Variants in INVS observed in about 807,000 individuals in gnomAD.
INVS encodes the protein inversion of embryo turning homolog.
INVS carries 86 observed loss-of-function variants against 108.8 expected under a neutral mutation model. The ratio of observed to expected loss-of-function variants is 0.79; its 90% CI spans 0.66 to 0.95. The LOEUF (loss-of-function observed/expected upper bound fraction) is 0.95, where lower values mean the gene tolerates loss of function less well. Among genes scored for constraint, INVS ranks in the 40% least tolerant of loss-of-function variants. INVS has a pLI of 0.00. For missense variants in INVS, 1,169 were observed against 1,297.4 expected (o/e 0.90, Z 1.52); for synonymous variants, 455 against 473.5 (o/e 0.96, Z 0.51).
At chr9:100,133,800 C>CACACACACACACACAG (rs1828130348) in intron 3 of INVS, among the ~76,000 whole-genome samples, 1 of 148,330 alleles carries the variant, frequency 6.7e-6, no homozygotes, top group Non-Finnish European at 1.5e-5. Flanking sequence ...CACACACACA[C>CACACACACACACACAG]ACACATACAC....
At chr9:100,259,030 G>T (rs1455266248) in intron 10 of INVS, among the ~76,000 whole-genome samples, 2 of 152,214 alleles carry the variant, frequency 1.3e-5, no homozygotes, top group African/African-American at 4.8e-5. Context: ...GTCTACAAAG[G>T]CAGGTAGGCC....
intron 10 of INVS, among the ~76,000 whole-genome samples, chr9:100,257,355 G>A (rs191690245): frequency 6.6e-6 from 1 of 151,130 alleles, no homozygotes; most frequent in Non-Finnish European, 1.5e-5. Flanking sequence ...GGTCTTGACT[G>A]TATCCAATTT....
chr9:100,206,785 T>C (rs1201552588), intron 3 of INVS, among the ~76,000 whole-genome samples: 3 of 152,200 alleles, frequency 2.0e-5, no homozygotes, highest in Non-Finnish European at 4.4e-5. Flanking sequence ...CATTTATGTC[T>C]TTTTAGTCTT....
At position 100,100,938 on chromosome 9, in the gene INVS, A is replaced by T. The variant is rs530004631; in HGVS notation, c.-25+1522A>T. 8.7e-3 allele frequency among the ~76,000 whole-genome samples: 206 copies of T among 23,726 alleles called. 14 individuals are homozygous for T. The highest frequency in any genetic ancestry group is 0.033 in the African/African-American group (137 of 4,092). The allele number at this position is 23,726 out of a possible 152,430, so 15.6% of individuals were successfully genotyped here. On this transcript the variant is annotated intron_variant, in intron 1 of 16. Transcript: ENST00000262457. ...TATATGTATATATATAATATATATA[A>T]TATATATACATATATATTATATATA...
chr9:100,277,276 A>G (rs1311128355), intron 12 of INVS, among the ~76,000 whole-genome samples: 1 of 152,126 alleles, frequency 6.6e-6, no homozygotes, highest in Non-Finnish European at 1.5e-5. Flanking sequence ...TGCTCATAAC[A>G]CTTCCATTGC....
chr9:100,213,593 T>G (rs929872936), intron 3 of INVS, among the ~76,000 whole-genome samples: 2 of 152,234 alleles, frequency 1.3e-5, no homozygotes, highest in Middle Eastern at 3.4e-3. Context: ...AAGAAGTTAG[T>G]CTGTTACTGT....
chr9:100,100,837 T>TATAATATATATA (rs1264794485), intron 1 of INVS, among the ~76,000 whole-genome samples: 1,596 of 9,074 alleles, frequency 0.18, 507 homozygotes, highest in East Asian at 0.65. Context: ...GTATATATAA[T>TATAATATATATA]ATATATATAA....
chr9:100,259,704 C>T (rs1418380827), intron 10 of INVS, among the ~76,000 whole-genome samples: 1 of 151,768 alleles, frequency 6.6e-6, no homozygotes, highest in Non-Finnish European at 1.5e-5. Flanking sequence ...CATCCACCAC[C>T]ATGCCTGGCT....
rs188124191 is a variant in INVS, at chr9:100,161,436, T to G, written c.273+34887T>G. Among the ~76,000 whole-genome samples the G allele has an allele frequency of 6.3e-4, 93 of 147,596 alleles. No individual in the cohort carries two copies. The East Asian group carries it at 0.018, about 28-fold the overall frequency. On this transcript the variant is annotated intron_variant, in intron 3 of 16. Coordinates refer to ENST00000262457, the MANE Select transcript of INVS (RefSeq NM_014425.5). ...GTGCTCCAAAAGAATTTGAATATGA[T>G]CTACTTTAATTTTGTCAGTCTGCCA...
At position 100,106,603 on chromosome 9, in the gene INVS, A is replaced by G. The variant is rs146628713; in HGVS notation, c.106+1976A>G. Among the ~76,000 whole-genome samples the G allele has an allele frequency of 2.8e-3, 433 of 152,334 alleles. 3 individuals carry two copies. Among genetic ancestry groups the G allele is most frequent in the African/African-American group, 9.8e-3 (408 of 41,580 alleles). On this transcript the variant is annotated intron_variant, in intron 2 of 16. Coordinates refer to ENST00000262457, the MANE Select transcript of INVS (RefSeq NM_014425.5). Reference sequence around the variant, plus strand: ...GACCAAACCTATCTTCCTGGCAACTACTAAGCAGTTGAACCCAGCTGTGTA... The same window carrying G: ...GACCAAACCTATCTTCCTGGCAACTGCTAAGCAGTTGAACCCAGCTGTGTA...
In INVS at chr9:100,293,045, T is replaced by C. The variant is rs1322951938; in HGVS notation, c.2786+2T>C. On this transcript the variant is annotated splice_donor_variant, in intron 14 of 16. Transcript: ENST00000262457. LOFTEE classifies it high-confidence loss of function. The stretch of plus-strand genomic sequence containing the variant: ...AGTCATCCAGCGCGCCTGGCGAAGG[T>C]AGGAAAATGGGGTGCTGCCGCATCT... 6 of 1,612,180 alleles carry C rather than the reference T, an allele frequency of 3.7e-6. No individual in the cohort carries two copies. The highest frequency in any genetic ancestry group is 1.3e-5 in the African/African-American group (1 of 74,860).
Position 100,241,300 on chromosome 9 carries a change from C to G in INVS, c.796+1060C>G, listed in dbSNP as rs1161690153. Among the ~76,000 whole-genome samples, 4 of 151,978 alleles carry G rather than the reference C, an allele frequency of 2.6e-5. No homozygotes were observed. The East Asian group carries it at 7.7e-4, about 29-fold the overall frequency. On this transcript the variant is annotated intron_variant, in intron 6 of 16. Transcript: ENST00000262457. Reference sequence around the variant, plus strand: ...CATGTAACTAAATTGACTTTTTGTTCTATAAGTTTTGCTTTCTTTCTGCCT... The same window carrying G: ...CATGTAACTAAATTGACTTTTTGTTGTATAAGTTTTGCTTTCTTTCTGCCT...
rs1339683817 is a variant in INVS, at chr9:100,162,378, T to C, written c.273+35829T>C. Among the ~76,000 whole-genome samples the C allele has an allele frequency of 4.6e-5, 7 of 152,212 alleles. No homozygotes were observed. The South Asian group carries it at 6.2e-4, about 14-fold the overall frequency. ...AGGGTTGATTAACTCAGTGGCTCAATGATATTAGCAAGGACCTGGGTTTTT... is the reference window on the plus strand; with the variant it reads ...AGGGTTGATTAACTCAGTGGCTCAACGATATTAGCAAGGACCTGGGTTTTT... On this transcript the variant is annotated intron_variant, in intron 3 of 16. Transcript: ENST00000262457.
At chr9:100,103,102 C>G (rs1020540126) in intron 1 of INVS, among the ~76,000 whole-genome samples, 1 of 152,184 alleles carries the variant, frequency 6.6e-6, no homozygotes, top group African/African-American at 2.4e-5. Flanking sequence ...ATCTGCCCGC[C>G]TTGCCCTCCC....
At chr9:100,168,848 G>A (rs1462543420) in intron 3 of INVS, among the ~76,000 whole-genome samples, 1 of 152,076 alleles carries the variant, frequency 6.6e-6, no homozygotes, top group Non-Finnish European at 1.5e-5. Flanking sequence ...CATTTTTAAG[G>A]TTGGATGTGT....
chr9:100,274,164 A>C (rs56937415), intron 12 of INVS, among the ~76,000 whole-genome samples: 7 of 151,882 alleles, frequency 4.6e-5, no homozygotes, highest in Non-Finnish European at 7.4e-5. Flanking sequence ...TCAAGACCAG[A>C]CTGGCCAAAA....
chr9:100,100,121 T>G (rs1317948722), intron 1 of INVS, among the ~76,000 whole-genome samples: 1 of 152,158 alleles, frequency 6.6e-6, no homozygotes, highest in Non-Finnish European at 1.5e-5. Flanking sequence ...GTTGTATAAT[T>G]AGGCAAGGAT....
At chr9:100,226,986 G>A (rs1363357916) in intron 4 of INVS, among the ~76,000 whole-genome samples, 1 of 152,148 alleles carries the variant, frequency 6.6e-6, no homozygotes, top group Non-Finnish European at 1.5e-5. Context: ...GCCTTCCTGG[G>A]TTTCAACCCA....
chr9:100,226,003 A>T, intron 3 of INVS, 59 bp from the exon 4 acceptor site: 3 of 1,235,534 alleles, frequency 2.4e-6, no homozygotes, highest in Middle Eastern at 2.6e-4. Flanking sequence ...TTTTAAAATT[A>T]AAAAAAATTT....
Sources: allele counts gnomAD v4.1 joint callset (sites outside exome capture counted in the v4.1 genomes callset), GRCh38; gene constraint gnomAD v4.1.1; transcripts MANE v1.5; gene names NCBI Gene and HGNC (gene_info 2026-07-23, HGNC 2026-07-21).